Variants in HYDIN observed in about 807,000 individuals in gnomAD.
HYDIN encodes axonemal central pair apparatus protein HYDIN.
In HYDIN, 132 loss-of-function variants were observed where a neutral mutation model predicts 403.9. That is an observed-to-expected ratio of 0.33 (90% confidence interval 0.28 to 0.38). The LOEUF is 0.38. Among genes scored for constraint, HYDIN ranks in the 10% least tolerant of loss-of-function variants. The pLI is 1.00. For missense variants in HYDIN, 2,827 were observed against 5,009.5 expected (o/e 0.56, Z 13.15); for synonymous variants, 1,202 against 1,891.7 (o/e 0.64, Z 9.46).
At chr16:71,176,541 C>G (rs1182948706) in intron 4 of HYDIN, among the ~76,000 whole-genome samples, 1 of 152,110 alleles carries the variant, frequency 6.6e-6, no homozygotes, top group East Asian at 1.9e-4. Flanking sequence ...CACTTGTCTA[C>G]AGTAGTACAG....
intron 41 of HYDIN, among the ~76,000 whole-genome samples, chr16:70,947,562 G>A (rs2077913742): frequency 6.6e-6 from 1 of 151,352 alleles, no homozygotes; most frequent in Admixed American, 6.6e-5. Flanking sequence ...CATAAAATGA[G>A]TTAGGGAGGA....
At chr16:71,170,036 G>A (rs1013616039) in intron 5 of HYDIN, among the ~76,000 whole-genome samples, 4 of 152,202 alleles carry the variant, frequency 2.6e-5, no homozygotes, top group South Asian at 2.1e-4. Context: ...GGCTACTAGC[G>A]GTGATGCCTC....
intron 45 of HYDIN, among the ~76,000 whole-genome samples, chr16:70,922,199 G>A (rs1239361500): frequency 6.6e-6 from 1 of 152,144 alleles, no homozygotes; most frequent in East Asian, 1.9e-4. Flanking sequence ...ACAGCCTGGG[G>A]AGGCAGCAAC....
Position 70,938,659 on chromosome 16 carries a change from G to A in HYDIN, c.6950C>T (p.Thr2317Ile), listed in dbSNP as rs781681396. Residue 2317 changes from threonine to isoleucine, a missense_variant, in exon 44 of 86, where the codon ACA (threonine) becomes ATA (isoleucine). Transcript: ENST00000393567. ...CGCCTGCTGAATCCCCCGATCGAAT[G>A]TGAGTTTCTCCTCCTCAGTCAGGGC... ...YDALTEEEKLTFDRGIQQALR... is the reference protein window; with the variant it reads ...YDALTEEEKLIFDRGIQQALR... 19 of 1,608,672 alleles carry A rather than the reference G, an allele frequency of 1.2e-5. No homozygotes were observed. In the South Asian group the frequency reaches 1.4e-4, roughly 12 times the overall value.
At chr16:71,156,895 A>C (rs1365378886) in intron 6 of HYDIN, among the ~76,000 whole-genome samples, 1 of 152,050 alleles carries the variant, frequency 6.6e-6, no homozygotes. Context: ...TTTAACAATA[A>C]TTGCTTATGT....
Position 71,020,169 on chromosome 16 carries a change from G to A in HYDIN, c.3330+5C>T. On this transcript the variant is annotated splice_donor_5th_base_variant and intron_variant, in intron 22 of 85. Transcript: ENST00000393567. ...GCTTGCCAGAACAGACCCCTATTAA[G>A]GTACCTCAGGAGTTGCCGGCAGCAG... 2 of 1,613,570 alleles carry A rather than the reference G, an allele frequency of 1.2e-6. No homozygotes were observed. Among genetic ancestry groups the A allele is most frequent in the South Asian group, 2.2e-5 (2 of 90,884 alleles).
At chr16:70,971,927 T>C (rs1211025557) in intron 35 of HYDIN, among the ~76,000 whole-genome samples, 1 of 152,228 alleles carries the variant, frequency 6.6e-6, no homozygotes, top group East Asian at 1.9e-4. Flanking sequence ...ATGGATCGTA[T>C]GGGTTGCAGG....
intron 1 of HYDIN, among the ~76,000 whole-genome samples, chr16:71,218,322 C>G (rs1007806688): frequency 6.6e-6 from 1 of 152,208 alleles, no homozygotes; most frequent in African/African-American, 2.4e-5. Flanking sequence ...AAGTCCTCAG[C>G]CAGCTGCAAA....
chr16:71,213,782 AAACT>A (rs1487900839), intron 1 of HYDIN, among the ~76,000 whole-genome samples: 1 of 152,160 alleles, frequency 6.6e-6, no homozygotes, highest in Non-Finnish European at 1.5e-5. Flanking sequence ...TAACTTCCCC[AAACT>A]AATAATGCAT....
At chr16:71,072,374 T>G (rs1161030219) in intron 13 of HYDIN, among the ~76,000 whole-genome samples, 1 of 151,928 alleles carries the variant, frequency 6.6e-6, no homozygotes, top group Admixed American at 6.6e-5. Context: ...GTTCAGAATA[T>G]GTGCTTGTAA....
At chr16:71,124,315 G>T (rs1161170872) in intron 9 of HYDIN, among the ~76,000 whole-genome samples, 1 of 152,374 alleles carries the variant, frequency 6.6e-6, no homozygotes, top group South Asian at 2.1e-4. Context: ...TGCAGTTCTA[G>T]AGTTTTGAGT....
chr16:71,225,458 T>C (rs566209903), intron 1 of HYDIN, among the ~76,000 whole-genome samples: 1 of 152,364 alleles, frequency 6.6e-6, no homozygotes, highest in East Asian at 1.9e-4. Flanking sequence ...TGCAGCACTC[T>C]GTAAGTTTCC....
At chr16:71,014,497 G>GC (rs1237115433) in intron 23 of HYDIN, among the ~76,000 whole-genome samples, 2 of 151,784 alleles carry the variant, frequency 1.3e-5, no homozygotes, top group Non-Finnish European at 2.9e-5. Flanking sequence ...TTGGTGGCGG[G>GC]CATGTGACCA....
At chr16:70,995,197 G>C (rs1388362298) in intron 23 of HYDIN, among the ~76,000 whole-genome samples, 1 of 152,180 alleles carries the variant, frequency 6.6e-6, no homozygotes, top group Admixed American at 6.5e-5. Context: ...TATTGAAATA[G>C]AACGCTGGTA....
chr16:70,897,756 G>A (rs1318021840), intron 53 of HYDIN, among the ~76,000 whole-genome samples: 1 of 152,162 alleles, frequency 6.6e-6, no homozygotes, highest in Admixed American at 6.5e-5. Flanking sequence ...CTGTGGATGT[G>A]GAAGTGAATA....
At chr16:70,813,246 C>A (rs905905564) in intron 84 of HYDIN, among the ~76,000 whole-genome samples, 2 of 150,814 alleles carry the variant, frequency 1.3e-5, no homozygotes, top group African/African-American at 4.9e-5. Flanking sequence ...CCACCGCGCC[C>A]GGCCTGTGGC....
chr16:71,159,803 G>C (rs2085925982), intron 6 of HYDIN, among the ~76,000 whole-genome samples: 1 of 152,096 alleles, frequency 6.6e-6, no homozygotes, highest in African/African-American at 2.4e-5. Flanking sequence ...TGTTGGCCCA[G>C]AATTCTATAT....
intron 8 of HYDIN, among the ~76,000 whole-genome samples, chr16:71,134,487 A>G (rs2084837219): frequency 6.6e-6 from 1 of 152,204 alleles, no homozygotes; most frequent in Non-Finnish European, 1.5e-5. Context: ...TCAAAAGAGG[A>G]TTCACCCCAT....
chr16:71,077,206 C>T (rs195624), intron 13 of HYDIN, among the ~76,000 whole-genome samples: 7 of 151,710 alleles, frequency 4.6e-5, no homozygotes, highest in Non-Finnish European at 7.4e-5. Flanking sequence ...GTCTATTTGC[C>T]TATGCTTTAA....
Sources: gnomAD v4.1 joint callset for allele counts (sites outside exome capture counted in the v4.1 genomes callset) on GRCh38, gnomAD v4.1.1 for gene constraint, MANE v1.5 for transcripts, NCBI Gene and HGNC (gene_info 2026-07-23, HGNC 2026-07-21) for gene names.